FRMD4A: variants seen among roughly 807,000 people sequenced by gnomAD.
FRMD4A encodes FERM domain-containing protein 4A.
In FRMD4A, 29 loss-of-function variants were observed where a neutral mutation model predicts 129.1. The observed-to-expected ratio is 0.22, with a 90% CI of 0.17 to 0.31. The LOEUF is 0.31. Ranked by LOEUF, FRMD4A falls within the 10% of genes least tolerant of loss-of-function variation. FRMD4A has a pLI of 1.00. For synonymous variants in FRMD4A, 634 were observed against 571.6 expected (o/e 1.11, Z -1.56); for missense variants, 1,272 against 1,375.8 (o/e 0.92, Z 1.19).
Position 14,076,226 on chromosome 10 carries a change from G to A in FRMD4A, c.46-217314C>T, listed in dbSNP as rs551979017. Among the ~76,000 whole-genome samples the A allele has an allele frequency of 1.7e-3, 266 of 152,206 alleles. 2 individuals carry two copies. Among genetic ancestry groups the A allele is most frequent in the African/African-American group, 6.2e-3 (256 of 41,518 alleles). ...CACCTGCCTTTCCCATGTTACCTGC[G>A]AGCTTACCAAAGACTTGGGATTTTT... On this transcript the variant is annotated intron_variant, in intron 2 of 24. Coordinates refer to ENST00000357447, the MANE Select transcript of FRMD4A (RefSeq NM_018027.5).
At chr10:14,262,467 G>A (rs1844839390) in intron 2 of FRMD4A, among the ~76,000 whole-genome samples, 1 of 152,148 alleles carries the variant, frequency 6.6e-6, no homozygotes, top group Admixed American at 6.5e-5. Context: ...TCTCTTGTGT[G>A]TCGAGGCTTA....
chr10:14,185,662 G>C (rs372667061), intron 2 of FRMD4A, among the ~76,000 whole-genome samples: 2 of 152,158 alleles, frequency 1.3e-5, no homozygotes, highest in Admixed American at 1.3e-4. Flanking sequence ...GTTGTTAGCT[G>C]TGCAGATGAG....
At chr10:14,284,791 T>C (rs527611766) in intron 2 of FRMD4A, among the ~76,000 whole-genome samples, 176 of 152,306 alleles carry the variant, frequency 1.2e-3, no homozygotes, top group African/African-American at 4.0e-3. Flanking sequence ...GCTTCTATGG[T>C]TGTAATATAG....
intron 2 of FRMD4A, among the ~76,000 whole-genome samples, chr10:13,924,226 A>G (rs2095104674): frequency 6.6e-6 from 1 of 152,176 alleles, no homozygotes; most frequent in South Asian, 2.1e-4. Context: ...TGTCCATGCC[A>G]TGGCCTGAGT....
chr10:14,292,015 T>A (rs1349840917), intron 2 of FRMD4A, among the ~76,000 whole-genome samples: 1 of 152,112 alleles, frequency 6.6e-6, no homozygotes, highest in East Asian at 1.9e-4. Flanking sequence ...AGGTGCTTTA[T>A]AAAGAAAATG....
At chr10:13,848,291 TAAGTC>T (rs961103043) in intron 3 of FRMD4A, among the ~76,000 whole-genome samples, 4 of 152,222 alleles carry the variant, frequency 2.6e-5, no homozygotes, top group Admixed American at 2.0e-4. Context: ...TCTGGAGGGC[TAAGTC>T]TTCTCTCCCT....
Position 13,743,332 on chromosome 10 carries a change from A to G in FRMD4A, c.549-2755T>C, listed in dbSNP as rs192609526. ...AGGTTCAGCGGCTCCACTTCCTTCC[A>G]TCCCACTCACTAAATCAACAGCTGC... On this transcript the variant is annotated intron_variant, in intron 9 of 24. Transcript: ENST00000357447. Among the ~76,000 whole-genome samples, 452 of 152,192 alleles carry G rather than the reference A, an allele frequency of 3.0e-3. 1 individual carries two copies. Among genetic ancestry groups the G allele is most frequent in the African/African-American group, 0.01 (436 of 41,534 alleles).
intron 15 of FRMD4A, among the ~76,000 whole-genome samples, chr10:13,687,002 A>G (rs2085144941): frequency 6.6e-6 from 1 of 152,204 alleles, no homozygotes; most frequent in Admixed American, 6.5e-5. Context: ...CTGTTCTCTG[A>G]TGGCTTGGCC....
At chr10:14,051,678 C>T (rs1390669833) in intron 2 of FRMD4A, among the ~76,000 whole-genome samples, 1 of 152,188 alleles carries the variant, frequency 6.6e-6, no homozygotes, top group East Asian at 1.9e-4. Flanking sequence ...AGGGTTGGCC[C>T]TGGGAGAGAG....
chr10:14,319,057 C>T (rs536220519), intron 2 of FRMD4A, among the ~76,000 whole-genome samples: 3 of 152,294 alleles, frequency 2.0e-5, no homozygotes, highest in East Asian at 1.9e-4. Flanking sequence ...GAGACTCTAA[C>T]GTTATGGTTC....
rs1186505441 is a variant in FRMD4A at position 13,646,316 on chromosome 10, TTA to T, written c.*720_*721del. The T allele has an allele frequency of 4.6e-5, 7 of 151,930 alleles. No individual in the cohort carries two copies. The highest frequency in any genetic ancestry group is 9.8e-5 in the African/African-American group (4 of 40,910). 9.4% of individuals were successfully genotyped at this position (151,930 alleles called of 1,614,324 possible). A position where few individuals can be genotyped will look rare whatever the true frequency, so the allele number is the denominator to read the frequency against. On this transcript the variant is annotated 3_prime_UTR_variant, in exon 25 of 25. Coordinates refer to ENST00000357447, the MANE Select transcript of FRMD4A (RefSeq NM_018027.5). ...CTTCCTCTTGGCCCCTCTTAATTTT[TTA>T]TGTTTTTATTTATTTTTAATCTTTG...
At chr10:13,700,650 G>C (rs969390074) in intron 14 of FRMD4A, among the ~76,000 whole-genome samples, 1 of 152,062 alleles carries the variant, frequency 6.6e-6, no homozygotes, top group Non-Finnish European at 1.5e-5. Flanking sequence ...TGGAGGAAGA[G>C]GGGGCAGAGT....
intron 2 of FRMD4A, among the ~76,000 whole-genome samples, chr10:13,884,193 CA>C (rs1564971506): frequency 8.3e-5 from 8 of 96,808 alleles, no homozygotes; most frequent in African/African-American, 3.1e-4. Flanking sequence ...CACACACACA[CA>C]CTCACACACA....
rs57338480 is a variant in FRMD4A, at chr10:13,884,103, A to AACACAC, written c.46-25197_46-25192dup. Among the ~76,000 whole-genome samples the AACACAC allele has an allele frequency of 1.8e-4, 19 of 105,702 alleles. 1 individual carries two copies. In the South Asian group the frequency reaches 3.4e-3, roughly 19 times the overall value. The allele number at this position is 105,702 out of a possible 152,430, so 69.3% of individuals were successfully genotyped here. ...TGAGTGGTTGATGCAATGGAAAAGA[A>AACACAC]ACACACACACACACACACTCACACA... On this transcript the variant is annotated intron_variant, in intron 2 of 24. Transcript: ENST00000357447.
intron 2 of FRMD4A, among the ~76,000 whole-genome samples, chr10:14,032,374 G>A (rs549667470): frequency 1.3e-5 from 2 of 152,208 alleles, no homozygotes; most frequent in Non-Finnish European, 2.9e-5. Flanking sequence ...CCAAATGTCT[G>A]TCATGTTGGA....
intron 8 of FRMD4A, among the ~76,000 whole-genome samples, chr10:13,756,832 C>A (rs1023533143): frequency 2.0e-5 from 3 of 152,140 alleles, no homozygotes; most frequent in Non-Finnish European, 2.9e-5. Context: ...TATGTGATAT[C>A]TCCCTCAGTA....
chr10:14,086,161 T>G (rs899912000), intron 2 of FRMD4A, among the ~76,000 whole-genome samples: 26 of 152,304 alleles, frequency 1.7e-4, no homozygotes, highest in Admixed American at 1.5e-3. Context: ...ACTAATTAGA[T>G]AGAATGGAGA....
intron 2 of FRMD4A, among the ~76,000 whole-genome samples, chr10:14,023,952 T>A (rs539279326): frequency 6.6e-6 from 1 of 152,176 alleles, no homozygotes; most frequent in East Asian, 1.9e-4. Flanking sequence ...AAAAAAAAAA[T>A]TAGCATTTTG....
chr10:13,694,929 G>C (rs1203492076), intron 14 of FRMD4A, among the ~76,000 whole-genome samples: 1 of 152,038 alleles, frequency 6.6e-6, no homozygotes, highest in Non-Finnish European at 1.5e-5. Flanking sequence ...TGCTCATTTG[G>C]ATTCTGGGGT....
Sources: gnomAD v4.1 joint callset for allele counts (sites outside exome capture counted in the v4.1 genomes callset) on GRCh38, gnomAD v4.1.1 for gene constraint, MANE v1.5 for transcripts, NCBI Gene and HGNC (gene_info 2026-07-23, HGNC 2026-07-21) for gene names.